Variants in FRYL observed in about 807,000 individuals in gnomAD.
The protein encoded by FRYL is protein furry homolog-like.
Under a neutral mutation model 351.2 loss-of-function variants are expected in FRYL, and 150 were observed. The ratio of observed to expected loss-of-function variants is 0.43; its 90% CI spans 0.37 to 0.49. The LOEUF (loss-of-function observed/expected upper bound fraction) is 0.49. FRYL is among the 20% of genes least tolerant of loss of function. The pLI is 0.00. For missense variants in FRYL, 3,036 were observed against 3,619.3 expected (o/e 0.84, Z 4.13); for synonymous variants, 1,153 against 1,257.1 (o/e 0.92, Z 1.75).
intron 1 of FRYL, among the ~76,000 whole-genome samples, chr4:48,778,081 CGGCTACTACG>C (rs1412627106): frequency 2.0e-5 from 3 of 152,176 alleles, no homozygotes; most frequent in Non-Finnish European, 2.9e-5. Context: ...CCTGTAGTCC[CGGCTACTACG>C]GAGCCTGGGG....
rs1236406965 is a variant in FRYL at position 48,639,661 on chromosome 4, G to A, written c.-80-5171C>T. ...ATAAACATCAAAACCATGATCCAGG[G>A]AAAAAAATTATTAAAATGAAGCCTC... On this transcript the variant is annotated intron_variant, in intron 3 of 63. Transcript: ENST00000358350. Among the ~76,000 whole-genome samples the A allele has an allele frequency of 4.0e-5, 6 of 151,806 alleles. No homozygotes were observed. The East Asian group carries it at 1.2e-3, about 29-fold the overall frequency.
intron 2 of FRYL, among the ~76,000 whole-genome samples, chr4:48,687,458 C>T (rs1765248743): frequency 9.7e-6 from 1 of 102,686 alleles, no homozygotes; most frequent in Admixed American, 1.4e-4. Context: ...TGGTCCAGCT[C>T]TGGTGCTTGG....
At chr4:48,647,336 C>T (rs1756706348) in intron 3 of FRYL, among the ~76,000 whole-genome samples, 1 of 152,072 alleles carries the variant, frequency 6.6e-6, no homozygotes, top group Admixed American at 6.6e-5. Context: ...AAGGTCATGA[C>T]AGATATGTTA....
At chr4:48,747,904 A>C (rs548042829) in intron 1 of FRYL, among the ~76,000 whole-genome samples, 36 of 152,378 alleles carry the variant, frequency 2.4e-4, no homozygotes, top group African/African-American at 8.7e-4. Flanking sequence ...GGTTTCATGA[A>C]GATTAAGAAT....
In FRYL at chr4:48,564,122, T is replaced by C. The variant is rs1560614314; in HGVS notation, c.3442-20A>G. The C allele has an allele frequency of 6.2e-7, 1 of 1,612,462 alleles. No individual in the cohort carries two copies. Among genetic ancestry groups the C allele is most frequent in the Non-Finnish European group, 8.5e-7 (1 of 1,179,488 alleles). The stretch of plus-strand genomic sequence containing the variant: ...GTGAACCTAGGTAAAGGTTGTGAAA[T>C]TGCCCGAGAGAGAACGTTATATATT... On this transcript the variant is annotated intron_variant, in intron 30 of 63. Coordinates refer to ENST00000358350, the MANE Select transcript of FRYL (RefSeq NM_015030.2).
chr4:48,696,702 A>G (rs536202836), intron 2 of FRYL, among the ~76,000 whole-genome samples: 1 of 152,202 alleles, frequency 6.6e-6, no homozygotes, highest in South Asian at 2.1e-4. Context: ...AATAAAATAT[A>G]TATATACATA....
intron 3 of FRYL, among the ~76,000 whole-genome samples, chr4:48,682,530 C>A (rs893003841): frequency 8.6e-5 from 13 of 151,218 alleles, no homozygotes; most frequent in African/African-American, 3.2e-4. Context: ...TGACAAAGGG[C>A]TAATATCCAG....
chr4:48,584,097 T>C (rs771739446), intron 19 of FRYL, among the ~76,000 whole-genome samples: 1 of 152,066 alleles, frequency 6.6e-6, no homozygotes, highest in Non-Finnish European at 1.5e-5. Flanking sequence ...AGAAATTCTT[T>C]TAAAAAAATG....
intron 19 of FRYL, among the ~76,000 whole-genome samples, chr4:48,586,290 C>G (rs1415549974): frequency 6.6e-6 from 1 of 151,866 alleles, no homozygotes; most frequent in Non-Finnish European, 1.5e-5. Context: ...AATTGCCTAA[C>G]TGGGAATTAT....
chr4:48,640,168 A>G (rs1755045871), intron 3 of FRYL, among the ~76,000 whole-genome samples: 1 of 152,188 alleles, frequency 6.6e-6, no homozygotes, highest in Non-Finnish European at 1.5e-5. Context: ...ATTTACCCAC[A>G]GGAGCTGAAG....
chr4:48,569,816 T>C (rs1293757774), intron 27 of FRYL, among the ~76,000 whole-genome samples: 1 of 152,148 alleles, frequency 6.6e-6, no homozygotes, highest in Non-Finnish European at 1.5e-5. Context: ...TACTTCTTTT[T>C]TTTCCTTTTT....
At chr4:48,669,380 G>A (rs939770229) in intron 3 of FRYL, among the ~76,000 whole-genome samples, 3 of 152,018 alleles carry the variant, frequency 2.0e-5, no homozygotes, top group African/African-American at 4.8e-5. Flanking sequence ...CTGGGATGAG[G>A]GCAGGGGTAT....
chr4:48,647,232 G>C (rs1025391063), intron 3 of FRYL, among the ~76,000 whole-genome samples: 1 of 152,142 alleles, frequency 6.6e-6, no homozygotes, highest in African/African-American at 2.4e-5. Context: ...TAATGAACTA[G>C]GGATGTCCCA....
chr4:48,510,730 A>G, intron 58 of FRYL, 105 bp downstream of exon 58: 1 of 886,072 alleles, frequency 1.1e-6, no homozygotes, highest in Non-Finnish European at 1.8e-6. Flanking sequence ...TGTTGAAAAT[A>G]CGAACCTTTA....
intron 1 of FRYL, among the ~76,000 whole-genome samples, chr4:48,772,719 G>T (rs1287345760): frequency 7.0e-5 from 4 of 57,432 alleles, no homozygotes; most frequent in African/African-American, 2.2e-4. Flanking sequence ...AACAAAACAA[G>T]AATTCTGAGA....
Position 48,555,243 on chromosome 4 carries a change from G to A in FRYL, c.4266+1735C>T, listed in dbSNP as rs75603131. On this transcript the variant is annotated intron_variant, in intron 35 of 63. Coordinates refer to ENST00000358350, the MANE Select transcript of FRYL (RefSeq NM_015030.2). ...AGTACTGACTCTAACTCCCCCATTC[G>A]TTCATCCAATTAATGGGCACCTTCT... is the stretch of plus-strand genomic sequence containing the variant. Among the ~76,000 whole-genome samples, 857 of 152,134 alleles carry A rather than the reference G, an allele frequency of 5.6e-3. 8 individuals carry two copies. The highest frequency in any genetic ancestry group is 0.02 in the African/African-American group (809 of 41,462).
At chr4:48,684,447 C>T (rs1477069377) in intron 3 of FRYL, among the ~76,000 whole-genome samples, 3 of 152,110 alleles carry the variant, frequency 2.0e-5, no homozygotes, top group Non-Finnish European at 2.9e-5. Context: ...AGTAATGAAA[C>T]TGTATTTATT....
chr4:48,531,314 C>A lies in FRYL; in HGVS notation c.6745G>T (p.Val2249Leu). 6.2e-7 allele frequency: 1 copy of A among 1,613,686 alleles called. No homozygotes were observed. The highest frequency in any genetic ancestry group is 1.3e-5 in the African/African-American group (1 of 74,986). The change falls in exon 50 of 64, where the codon GTG becomes TTG. Residue 2249 changes from valine (V) to leucine (L), a missense_variant. Physicochemically the swap from Val to Leu is conservative, Grantham distance 32 (BLOSUM62 1). Around this residue, in one of 7 missense-constraint regions of FRYL, gnomAD observed 1,987 missense variants for 2,311.7 expected, o/e 0.86. Transcript: ENST00000358350. ...ACAAGACTCGCAGAGCGTGACACCA[C>A]CAGCTTTAATATGTTAAGGGCTTCC... ...WKEALNILKL[V>L]VSRSASLVVP...
chr4:48,720,489 C>T (rs1352125877), intron 1 of FRYL, among the ~76,000 whole-genome samples: 1 of 151,978 alleles, frequency 6.6e-6, no homozygotes, highest in East Asian at 1.9e-4. Flanking sequence ...CAGAGCAAGA[C>T]TCCATCTCAA....
Sources: gnomAD v4.1 joint callset for allele counts (sites outside exome capture counted in the v4.1 genomes callset) on GRCh38, gnomAD v4.1.1 for gene constraint, gnomAD v4.1.1 regional missense constraint, MANE v1.5 for transcripts, NCBI Gene and HGNC (gene_info 2026-07-23, HGNC 2026-07-21) for gene names.